RBBP4: variants seen among roughly 807,000 people sequenced by gnomAD.
The protein encoded by RBBP4 is histone-binding protein RBBP4.
A neutral mutation model predicts 57.2 loss-of-function variants in RBBP4; 3 were observed. The observed-to-expected ratio is 0.05, with a 90% CI of 0.02 to 0.14. The LOEUF is 0.14. RBBP4 is among the 10% of genes least tolerant of loss of function. The probability of loss-of-function intolerance (pLI) is 1.00; values close to 1 mark genes in which losing one functional copy is unlikely to be tolerated. For synonymous variants in RBBP4, 151 were observed against 171.5 expected, an observed-to-expected ratio of 0.88 and a Z score of 0.93; for missense variants, 107 against 520.6, an observed-to-expected ratio of 0.21 and a Z score of 7.73.
chr1:32,676,612 CAAAAA>C (rs1229475952), intron 11 of RBBP4, among the ~76,000 whole-genome samples: 2 of 57,926 alleles, frequency 3.5e-5, no homozygotes, highest in African/African-American at 8.4e-5. Flanking sequence ...AACTCCATCT[CAAAAA>C]AAAAAAAAAA....
At chr1:32,674,518 C>G (rs56234429) in intron 11 of RBBP4, among the ~76,000 whole-genome samples, 17,171 of 151,480 alleles carry the variant, frequency 0.11, 1,094 homozygotes, top group African/African-American at 0.18. Flanking sequence ...GTGAGGCTGC[C>G]CACCCGCCCC....
intron 11 of RBBP4, among the ~76,000 whole-genome samples, chr1:32,678,428 T>A (rs954899792): frequency 1.3e-5 from 2 of 152,088 alleles, no homozygotes; most frequent in South Asian, 2.1e-4. Flanking sequence ...CGTTTCACCA[T>A]GTTGGCCAGG....
At chr1:32,671,452 G>A (rs1648870698) in intron 8 of RBBP4, among the ~76,000 whole-genome samples, 1 of 152,086 alleles carries the variant, frequency 6.6e-6, no homozygotes, top group Admixed American at 6.6e-5. Context: ...GCATGGTGGT[G>A]CACGCCTGTA....
In RBBP4 at chr1:32,669,022, A is replaced by G; in HGVS notation, c.651A>G (p.Val217=). The change falls in exon 6 of 12, where the codon GTA becomes GTG. Residue 217 remains valine, a synonymous_variant. Coordinates refer to ENST00000373493, the MANE Select transcript of RBBP4 (RefSeq NM_005610.3). The surrounding 1 kb of genome is among the most constrained non-coding windows in gnomAD (Gnocchi z 4.9). Reference sequence around the variant, plus strand: ...CCGTTCCAAAGGAGGGAAAAGTGGTAGATGCGAAGACCATCTTTACAGGGC... The same window carrying G: ...CCGTTCCAAAGGAGGGAAAAGTGGTGGATGCGAAGACCATCTTTACAGGGC... ...ISAVPKEGKV[V]DAKTIFTGHT... 6.2e-7 allele frequency: 1 copy of G among 1,614,096 alleles called. No homozygotes were observed. Among genetic ancestry groups the G allele is most frequent in the Non-Finnish European group, 8.5e-7 (1 of 1,179,994 alleles).
rs1364519049 is a variant in RBBP4 at position 32,651,242 on chromosome 1, C to G, written c.-65C>G. ...AGAGGCCGCGCGCACAGAGCGAGCT[C>G]TTGCAGCCTCCCCGCCCCTCCCGCA... On this transcript the variant is annotated 5_prime_UTR_variant, in exon 1 of 12. Coordinates refer to ENST00000373493, the MANE Select transcript of RBBP4 (RefSeq NM_005610.3). The G allele has an allele frequency of 8.0e-6, 12 of 1,507,036 alleles. No individual in the cohort carries two copies. The highest frequency in any genetic ancestry group is 2.8e-5 in the East Asian group (1 of 35,884). The allele number at this position is 1,507,036 out of a possible 1,614,324, so 93.4% of individuals were successfully genotyped here.
At chr1:32,674,314 G>C (rs371374119) in intron 11 of RBBP4, among the ~76,000 whole-genome samples, 1 of 7,118 alleles carries the variant, frequency 1.4e-4, no homozygotes, top group Non-Finnish European at 7.8e-3. Flanking sequence ...GCTCACTGCA[G>C]CCTCCAATTC....
Position 32,651,451 on chromosome 1 carries a change from G to C in RBBP4, c.16+129G>C, listed in dbSNP as rs992545348. The stretch of plus-strand genomic sequence containing the variant: ...GTCCCCGGTACTGAAGGCGTGAAGA[G>C]GGAACTCCCCGCGGGGCGTGCTAAC... On this transcript the variant is annotated intron_variant, in intron 1 of 11. Transcript: ENST00000373493. The C allele has an allele frequency of 1.1e-5, 15 of 1,367,064 alleles. No homozygotes were observed. The Middle Eastern group carries it at 6.3e-4, about 57-fold the overall frequency. The allele number at this position is 1,367,064 out of a possible 1,614,324, so 84.7% of individuals were successfully genotyped here.
chr1:32,660,807 T>A (rs1276884081), intron 3 of RBBP4, among the ~76,000 whole-genome samples: 2 of 152,004 alleles, frequency 1.3e-5, no homozygotes, highest in Admixed American at 6.6e-5. Context: ...TCCTAAATGA[T>A]TGAGTTTTTG....
At chr1:32,674,719 AT>A (rs959833890) in intron 11 of RBBP4, among the ~76,000 whole-genome samples, 18 of 146,620 alleles carry the variant, frequency 1.2e-4, no homozygotes, top group South Asian at 4.3e-4. Context: ...TTATTTCTTT[AT>A]TTTTTTTTTA....
At chr1:32,662,510 G>GGGAT (rs2148521682) in intron 3 of RBBP4, among the ~76,000 whole-genome samples, 1 of 151,896 alleles carries the variant, frequency 6.6e-6, no homozygotes, top group African/African-American at 2.4e-5. Flanking sequence ...CCGAGTAGCT[G>GGGAT]GGATTACAGG....
rs530631077 is a variant in RBBP4, at chr1:32,666,548, G to T, written c.311-1677G>T. ...ATTTTTGTATTTTTAGTAGAGACGG[G>T]GTTTTACCATATCGGTCAGGCTGGT... On this transcript the variant is annotated intron_variant, in intron 3 of 11. Coordinates refer to ENST00000373493, the MANE Select transcript of RBBP4 (RefSeq NM_005610.3). Among the ~76,000 whole-genome samples the T allele has an allele frequency of 9.9e-5, 15 of 152,120 alleles. No individual in the cohort carries two copies. The South Asian group carries it at 3.1e-3, about 32-fold the overall frequency.
chr1:32,682,043 A>C lies in RBBP4; in HGVS notation c.*2338A>C. On this transcript the variant is annotated 3_prime_UTR_variant, in exon 12 of 12. Transcript: ENST00000373493. ...GAATGGTGATGGTGATGGGAGGGAT[A>C]GTTAAACGTTTTCTCTGCTAGGTTA... 1 of 587,254 alleles carries C rather than the reference A, an allele frequency of 1.7e-6. No individual in the cohort carries two copies. The highest frequency in any genetic ancestry group is 2.8e-5 in the East Asian group (1 of 35,122). 36.4% of individuals were successfully genotyped at this position (587,254 alleles called of 1,614,324 possible). A position where few individuals can be genotyped will look rare whatever the true frequency, so the allele number is the denominator to read the frequency against.
rs1447367554 is a variant in RBBP4, at chr1:32,679,724, T to G, written c.*19T>G. 4 of 1,612,670 alleles carry G rather than the reference T, an allele frequency of 2.5e-6. No individual in the cohort carries two copies. In the Admixed American group the frequency reaches 6.7e-5, roughly 27 times the overall value. Reference sequence around the variant, plus strand: ...GTCCTAGATATGTCTTTACTTGTTGTGATTTTAGACTCCCCTTTTTTCTTC... The same window carrying G: ...GTCCTAGATATGTCTTTACTTGTTGGGATTTTAGACTCCCCTTTTTTCTTC... On this transcript the variant is annotated 3_prime_UTR_variant, in exon 12 of 12. Coordinates refer to ENST00000373493, the MANE Select transcript of RBBP4 (RefSeq NM_005610.3).
chr1:32,668,585 G>T, intron 4 of RBBP4, 154 bp from the exon 5 acceptor site: 1 of 835,396 alleles, frequency 1.2e-6, no homozygotes, highest in South Asian at 1.8e-5. Flanking sequence ...ACAAAATACT[G>T]GTGCTGTTTA....
intron 2 of RBBP4, among the ~76,000 whole-genome samples, chr1:32,654,103 T>C (rs1033386293): frequency 2.6e-5 from 4 of 152,092 alleles, no homozygotes; most frequent in Admixed American, 6.6e-5. Flanking sequence ...CTGGTCATGG[T>C]GGCTCACACG....
Position 32,681,562 on chromosome 1 carries a change from G to A in RBBP4, c.*1857G>A, listed in dbSNP as rs1649438251. 1.8e-6 allele frequency: 1 copy of A among 548,366 alleles called. No homozygotes were observed. Among genetic ancestry groups the A allele is most frequent in the Non-Finnish European group, 3.3e-6 (1 of 307,304 alleles). The allele number at this position is 548,366 out of a possible 1,614,324, so 34.0% of individuals were successfully genotyped here. A position where few individuals can be genotyped will look rare whatever the true frequency, so the allele number is the denominator to read the frequency against. On this transcript the variant is annotated 3_prime_UTR_variant, in exon 12 of 12. Transcript: ENST00000373493. ...TCCTTCACTCAGTGCATATGTGAGG[G>A]TTGTTGCTGGAAGACAGGAGGCTCA...
chr1:32,653,637 G>GTTTTTTTTGT lies in RBBP4; in HGVS notation c.164+1584_164+1585insGTTTTTTTTT, dbSNP rs1557849770. On this transcript the variant is annotated intron_variant, in intron 2 of 11. Transcript: ENST00000373493. Reference sequence around the variant, plus strand: ...TGCTTTGTGTGTTTTTTGTTTTCTGGTTTTTTTTTTTTTTTTTTTTTTGTT... The same window carrying GTTTTTTTTGT: ...TGCTTTGTGTGTTTTTTGTTTTCTGGTTTTTTTTGTTTTTTTTTTTTTTTTTTTTTTTGTT... Among the ~76,000 whole-genome samples, 82 of 20,770 alleles carry GTTTTTTTTGT rather than the reference G, an allele frequency of 3.9e-3. 14 individuals carry two copies. Among genetic ancestry groups the GTTTTTTTTGT allele is most frequent in the South Asian group, 0.035 (7 of 200 alleles). The allele number at this position is 20,770 out of a possible 152,430, so 13.6% of individuals were successfully genotyped here.
rs990618848 is a variant in RBBP4, at chr1:32,684,860, C to G, written c.*5155C>G. ...GAGAGTTACACAACTAGTGGAAGTCCATGTTTAGAAAATAAATGGCTTGTT... is the reference window on the plus strand; with the variant it reads ...GAGAGTTACACAACTAGTGGAAGTCGATGTTTAGAAAATAAATGGCTTGTT... On this transcript the variant is annotated 3_prime_UTR_variant, in exon 12 of 12. Transcript: ENST00000373493. 4.6e-5 allele frequency: 7 copies of G among 153,436 alleles called. No individual in the cohort carries two copies. Among genetic ancestry groups the G allele is most frequent in the African/African-American group, 1.7e-4 (7 of 41,402 alleles). The allele number at this position is 153,436 out of a possible 1,614,324, so 9.5% of individuals were successfully genotyped here.
intron 2 of RBBP4, among the ~76,000 whole-genome samples, chr1:32,653,394 A>T (rs942972480): frequency 6.6e-6 from 1 of 152,314 alleles, no homozygotes; most frequent in African/African-American, 2.4e-5. Context: ...TGCTAAGTAA[A>T]TTCCTTCAAA....
Sources: gnomAD v4.1 joint callset for allele counts (sites outside exome capture counted in the v4.1 genomes callset) on GRCh38, gnomAD v4.1.1 for gene constraint, Gnocchi (gnomAD v3.1) non-coding constraint, MANE v1.5 for transcripts, NCBI Gene and HGNC (gene_info 2026-07-23, HGNC 2026-07-21) for gene names.